Variants in MTUS2 observed in about 807,000 individuals in gnomAD.
The protein encoded by MTUS2 is microtubule associated scaffold protein 2.
MTUS2 carries 40 observed loss-of-function variants against 114.1 expected under a neutral mutation model. The ratio of observed to expected loss-of-function variants is 0.35; its 90% CI spans 0.27 to 0.46. The LOEUF is 0.46. MTUS2 is among the 20% of genes least tolerant of loss of function. The pLI, the probability that MTUS2 is intolerant of heterozygous loss-of-function variation, is 1.00. For synonymous variants in MTUS2, 688 were observed against 672.0 expected, an observed-to-expected ratio of 1.02 and a Z score of -0.37; for missense variants, 1,679 against 1,705.4, an observed-to-expected ratio of 0.98 and a Z score of 0.27.
intron 5 of MTUS2, among the ~76,000 whole-genome samples, chr13:29,196,044 A>C (rs1894683886): frequency 6.6e-6 from 1 of 152,066 alleles, no homozygotes; most frequent in Admixed American, 6.5e-5. Flanking sequence ...GCCCAGAATC[A>C]CAGAGGCTGT....
chr13:29,084,363 T>TAA (rs1295887195), intron 4 of MTUS2, among the ~76,000 whole-genome samples: 1 of 144,106 alleles, frequency 6.9e-6, no homozygotes, highest in African/African-American at 2.5e-5. Flanking sequence ...CCACCCTCCT[T>TAA]AAAAAAAAAA....
At chr13:29,221,386 G>A (rs1291322433) in intron 5 of MTUS2, among the ~76,000 whole-genome samples, 1 of 152,218 alleles carries the variant, frequency 6.6e-6, no homozygotes, top group Non-Finnish European at 1.5e-5. Flanking sequence ...TTTGGTGATA[G>A]TTGTTATTCC....
intron 1 of MTUS2, among the ~76,000 whole-genome samples, chr13:28,824,255 T>C (rs1158082626): frequency 6.6e-6 from 1 of 152,232 alleles, no homozygotes; most frequent in East Asian, 1.9e-4. Flanking sequence ...CAATTGTAAT[T>C]CTTTCTCTGT....
At chr13:28,997,531 C>G (rs887102434) in intron 2 of MTUS2, among the ~76,000 whole-genome samples, 2 of 152,146 alleles carry the variant, frequency 1.3e-5, no homozygotes, top group Non-Finnish European at 2.9e-5. Flanking sequence ...GCCTAAGTCT[C>G]TTTGTAGGTC....
At chr13:29,379,871 GT>G (rs1250394733) in intron 8 of MTUS2, among the ~76,000 whole-genome samples, 3 of 152,210 alleles carry the variant, frequency 2.0e-5, no homozygotes, top group Non-Finnish European at 4.4e-5. Context: ...ATTAAAGGTA[GT>G]CAAAGAAAAA....
At chr13:29,273,742 T>C (rs1897960863) in intron 5 of MTUS2, among the ~76,000 whole-genome samples, 1 of 152,226 alleles carries the variant, frequency 6.6e-6, no homozygotes. Flanking sequence ...TCATCAACTT[T>C]CTGTCTCTCT....
At chr13:28,883,744 T>C (rs1172073899) in intron 2 of MTUS2, among the ~76,000 whole-genome samples, 1 of 152,186 alleles carries the variant, frequency 6.6e-6, no homozygotes. Flanking sequence ...TACATGATTC[T>C]AACTAAACAT....
At chr13:29,339,222 T>G (rs762450801) in intron 7 of MTUS2, among the ~76,000 whole-genome samples, 5 of 152,264 alleles carry the variant, frequency 3.3e-5, no homozygotes, top group Admixed American at 1.3e-4. Context: ...GCGTACTTCC[T>G]GCAGTAGGGC....
intron 8 of MTUS2, among the ~76,000 whole-genome samples, chr13:29,385,534 T>G (rs1217425079): frequency 6.6e-6 from 1 of 152,196 alleles, no homozygotes; most frequent in Non-Finnish European, 1.5e-5. Context: ...GGGAATTCCT[T>G]TAGCCTCCCT....
chr13:29,103,331 A>C (rs1019487527), intron 5 of MTUS2, among the ~76,000 whole-genome samples: 5 of 152,206 alleles, frequency 3.3e-5, no homozygotes, highest in African/African-American at 1.2e-4. Flanking sequence ...CCTAGGCAAT[A>C]TGGTATAGCC....
At chr13:29,235,130 C>T (rs566915053) in intron 5 of MTUS2, among the ~76,000 whole-genome samples, 1 of 152,118 alleles carries the variant, frequency 6.6e-6, no homozygotes, top group South Asian at 2.1e-4. Flanking sequence ...TGGTTTTGCT[C>T]TTGTTGCCCA....
chr13:29,078,912 A>C (rs1266563721), intron 4 of MTUS2, among the ~76,000 whole-genome samples: 9 of 152,194 alleles, frequency 5.9e-5, no homozygotes, highest in Admixed American at 5.9e-4. Context: ...TTATGTAAAC[A>C]TATCTTTTCA....
chr13:29,483,051 G>A (rs1023293047), intron 10 of MTUS2, among the ~76,000 whole-genome samples: 38 of 152,196 alleles, frequency 2.5e-4, no homozygotes, highest in African/African-American at 8.4e-4. Context: ...AGGATGATCC[G>A]TGGTTTCAGG....
intron 5 of MTUS2, among the ~76,000 whole-genome samples, chr13:29,192,658 A>G (rs760932272): frequency 6.6e-6 from 1 of 152,214 alleles, no homozygotes; most frequent in Non-Finnish European, 1.5e-5. Flanking sequence ...CATAAATGTC[A>G]TTATTACGTA....
At chr13:28,889,102 C>A (rs529193289) in intron 2 of MTUS2, among the ~76,000 whole-genome samples, 1 of 152,222 alleles carries the variant, frequency 6.6e-6, no homozygotes, top group African/African-American at 2.4e-5. Flanking sequence ...GTTTTAATTT[C>A]TTTTTAATTC....
At chr13:29,210,971 C>T (rs1030832079) in intron 5 of MTUS2, among the ~76,000 whole-genome samples, 1 of 152,034 alleles carries the variant, frequency 6.6e-6, no homozygotes, top group African/African-American at 2.4e-5. Flanking sequence ...CAAGCTTGCC[C>T]TAATGCCACC....
chr13:29,104,180 C>A (rs566442293), intron 5 of MTUS2, among the ~76,000 whole-genome samples: 2 of 152,164 alleles, frequency 1.3e-5, no homozygotes, highest in Non-Finnish European at 2.9e-5. Context: ...GTCTTTTTAC[C>A]TTTTCCACAA....
At chr13:28,925,846 T>C (rs186263194) in intron 2 of MTUS2, among the ~76,000 whole-genome samples, 1 of 152,338 alleles carries the variant, frequency 6.6e-6, no homozygotes, top group East Asian at 1.9e-4. Flanking sequence ...GCGTTTCTTG[T>C]GGTGGATGGT....
chr13:29,488,281 G>A (rs1384435282), intron 11 of MTUS2: 2 of 465,046 alleles, frequency 4.3e-6, no homozygotes, highest in African/African-American at 3.9e-5. Context: ...ACCAATGCCA[G>A]CCTCAGTCCC....
Sources: allele counts gnomAD v4.1 joint callset (sites outside exome capture counted in the v4.1 genomes callset), GRCh38; gene constraint gnomAD v4.1.1; transcripts MANE v1.5; gene names NCBI Gene and HGNC (gene_info 2026-07-23, HGNC 2026-07-21).